Variants in SMOC2 observed in about 807,000 individuals in gnomAD.
SMOC2 encodes the protein SPARC related modular calcium binding 2, also known as SPARC-related modular calcium-binding protein 2.
In SMOC2, 39 loss-of-function variants were observed where a neutral mutation model predicts 61.4. That is an observed-to-expected ratio of 0.64 (90% CI 0.49 to 0.83). The LOEUF (loss-of-function observed/expected upper bound fraction) is 0.83, where lower values mean the gene tolerates loss of function less well. Ranked by LOEUF, SMOC2 falls within the 40% of genes least tolerant of loss-of-function variation. The pLI is 0.00. For synonymous variants in SMOC2, 247 were observed against 239.9 expected, an observed-to-expected ratio of 1.03 and a Z score of -0.27; for missense variants, 556 against 592.9, an observed-to-expected ratio of 0.94 and a Z score of 0.65.
chr6:168,608,011 G>A (rs575494011), intron 8 of SMOC2, 146 bp from the exon 9 acceptor site: 61 of 678,284 alleles, frequency 9.0e-5, no homozygotes, highest in Admixed American at 1.4e-4. Context: ...ACAGAAAGGA[G>A]TGAGGAGGTC....
intron 11 of SMOC2, 134 bp downstream of exon 11, chr6:168,653,362 T>G (rs1365041064): frequency 1.9e-6 from 2 of 1,064,254 alleles, no homozygotes; most frequent in East Asian, 2.5e-5. Flanking sequence ...TGTTTAATTG[T>G]TGGGCGTCTG....
At chr6:168,581,586 T>G (rs1784920654) in intron 7 of SMOC2, among the ~76,000 whole-genome samples, 1 of 152,244 alleles carries the variant, frequency 6.6e-6, no homozygotes, top group African/African-American at 2.4e-5. Flanking sequence ...ATTGCACAGT[T>G]ATTAACAGAT....
intron 5 of SMOC2, among the ~76,000 whole-genome samples, chr6:168,545,387 C>G (rs554404413): frequency 6.6e-6 from 1 of 152,272 alleles, no homozygotes; most frequent in Admixed American, 6.5e-5. Flanking sequence ...GGTTTCCAGA[C>G]ACAAATAAGA....
chr6:168,625,360 C>G (rs1222528977), intron 9 of SMOC2, among the ~76,000 whole-genome samples: 2 of 152,218 alleles, frequency 1.3e-5, no homozygotes, highest in African/African-American at 4.8e-5. Flanking sequence ...TGTGGGAACG[C>G]TGGAGCAGGT....
intron 1 of SMOC2, among the ~76,000 whole-genome samples, chr6:168,495,580 G>A (rs968278499): frequency 6.6e-6 from 1 of 152,158 alleles, no homozygotes; most frequent in Non-Finnish European, 1.5e-5. Context: ...CGCAATGCCC[G>A]GGAAGCGTTT....
At chr6:168,490,523 A>G (rs545531257) in intron 1 of SMOC2, among the ~76,000 whole-genome samples, 62 of 152,314 alleles carry the variant, frequency 4.1e-4, no homozygotes, top group African/African-American at 1.5e-3. Context: ...TCACAGTGGC[A>G]ACTCGGAAGC....
intron 9 of SMOC2, among the ~76,000 whole-genome samples, chr6:168,637,709 C>A (rs1786776167): frequency 6.6e-6 from 1 of 152,188 alleles, no homozygotes; most frequent in African/African-American, 2.4e-5. Flanking sequence ...AAGACCATGA[C>A]ATTTACCTCC....
intron 1 of SMOC2, among the ~76,000 whole-genome samples, chr6:168,476,089 G>T (rs6455526): frequency 0.049 from 7,417 of 152,162 alleles, 624 homozygotes; most frequent in African/African-American, 0.17. Flanking sequence ...ATAGAACCAG[G>T]ATTTAATATA....
chr6:168,553,489 G>A lies in SMOC2; in HGVS notation c.637+4286G>A, dbSNP rs1784176314. 6.6e-6 allele frequency among the ~76,000 whole-genome samples: 1 copy of A among 152,182 alleles called. No homozygotes were observed. Among genetic ancestry groups the A allele is most frequent in the Non-Finnish European group, 1.5e-5 (1 of 68,042 alleles). On this transcript the variant is annotated intron_variant, in intron 7 of 12. Coordinates refer to ENST00000356284, the MANE Select transcript of SMOC2 (RefSeq NM_001166412.2). This position sits in a 1 kb window ranked among gnomAD's most constrained non-coding sequence, Gnocchi z 4.2. ...CTACTGGCATATTAAGTACTTTCTA[G>A]ATTTCTGCCTGATTTCCTTTAAAAC...
chr6:168,561,299 C>T (rs371343075), intron 7 of SMOC2, among the ~76,000 whole-genome samples: 1 of 28 alleles, frequency 0.036, no homozygotes. Flanking sequence ...GCTCTCACTG[C>T]GTTCTTGGAG....
At chr6:168,652,373 A>G (rs930617485) in intron 10 of SMOC2, among the ~76,000 whole-genome samples, 3 of 152,198 alleles carry the variant, frequency 2.0e-5, no homozygotes, top group Non-Finnish European at 2.9e-5. Flanking sequence ...GGGCCATCCC[A>G]TGCGCACACA....
chr6:168,526,490 A>G (rs1210681977), intron 3 of SMOC2, 38 bp downstream of exon 3: 6 of 1,549,290 alleles, frequency 3.9e-6, no homozygotes, highest in Non-Finnish European at 5.3e-6. Context: ...CACCTGTGCG[A>G]TTAGGGAGGG....
chr6:168,656,555 G>A (rs1355309773), intron 11 of SMOC2, among the ~76,000 whole-genome samples: 58 of 136,054 alleles, frequency 4.3e-4, no homozygotes, highest in African/African-American at 1.5e-3. Flanking sequence ...AAGAGAAAAG[G>A]AAAAAAAAAA....
chr6:168,526,542 C>G lies in SMOC2; in HGVS notation c.363+90C>G, dbSNP rs771106611. On this transcript the variant is annotated intron_variant, in intron 3 of 12. Transcript: ENST00000356284. The stretch of plus-strand genomic sequence containing the variant: ...TGGGGAGAAGGCAGGTGGGGGGAGC[C>G]GAACAGAAGAAGCAGCGGGTTTGTT... 6 of 1,006,668 alleles carry G rather than the reference C, an allele frequency of 6.0e-6. No individual in the cohort carries two copies. The African/African-American group carries it at 7.9e-5, about 13-fold the overall frequency. The allele number at this position is 1,006,668 out of a possible 1,614,324, so 62.4% of individuals were successfully genotyped here.
chr6:168,492,123 T>C (rs1262169228), intron 1 of SMOC2, among the ~76,000 whole-genome samples: 7 of 152,208 alleles, frequency 4.6e-5, no homozygotes, highest in African/African-American at 1.7e-4. Context: ...GAAGAGAAAT[T>C]ACAGGTTGTA....
chr6:168,653,062 A>G lies in SMOC2; in HGVS notation c.1119A>G (p.Lys373=), dbSNP rs766510432. The change falls in exon 11 of 13, where the codon AAA becomes AAG. Residue 373 remains lysine (K), a synonymous_variant. Coordinates refer to ENST00000356284, the MANE Select transcript of SMOC2 (RefSeq NM_001166412.2). ...GAGACATCGGCAAAAAGGAAATCAA[A>G]CCCTTCAAGAGGTTCCTTCGCAAAA... ...SSGDIGKKEI[K]PFKRFLRKKS... The G allele has an allele frequency of 6.2e-7, 1 of 1,614,118 alleles. No homozygotes were observed.
At chr6:168,496,202 C>T (rs1782585923) in intron 1 of SMOC2, among the ~76,000 whole-genome samples, 1 of 152,182 alleles carries the variant, frequency 6.6e-6, no homozygotes, top group Non-Finnish European at 1.5e-5. Flanking sequence ...CGGTACTCAT[C>T]TTGTTGCAAC....
chr6:168,581,755 C>T (rs1437859893), intron 7 of SMOC2, among the ~76,000 whole-genome samples: 2 of 152,178 alleles, frequency 1.3e-5, no homozygotes, highest in African/African-American at 2.4e-5. Flanking sequence ...ACTGAAAAGC[C>T]GCAGACCTGC....
chr6:168,615,099 C>T (rs1583162373), intron 9 of SMOC2, among the ~76,000 whole-genome samples: 1 of 77,102 alleles, frequency 1.3e-5, no homozygotes, highest in Non-Finnish European at 2.5e-5. Context: ...CTCTTCACAC[C>T]TACAGCCAGC....
Sources: gnomAD v4.1 joint callset for allele counts (sites outside exome capture counted in the v4.1 genomes callset) on GRCh38, gnomAD v4.1.1 for gene constraint, Gnocchi (gnomAD v3.1) non-coding constraint, MANE v1.5 for transcripts, NCBI Gene and HGNC (gene_info 2026-07-23, HGNC 2026-07-21) for gene names.